The following AFF2 variants were observed in gnomAD, a reference collection of about 807,000 sequenced individuals.
AFF2 encodes the protein ALF transcription elongation factor 2.
Under a neutral mutation model 76.9 loss-of-function variants are expected in AFF2, and 14 were observed. The observed-to-expected ratio is 0.18, with a 90% confidence interval of 0.12 to 0.28. AFF2 has a LOEUF of 0.28. AFF2 is among the 10% of genes least tolerant of loss of function. The pLI is 1.00. For missense variants in AFF2, 868 were observed against 1,001.1 expected, an observed-to-expected ratio of 0.87 and a Z score of 1.79; for synonymous variants, 398 against 366.7, an observed-to-expected ratio of 1.09 and a Z score of -0.98.
intron 3 of AFF2, among the ~76,000 whole-genome samples, chrX:148,694,175 C>CGGGGGGGGGGTGGGGGGGG (rs67194871): frequency 1.4e-5 from 1 of 72,851 alleles, no homozygotes; most frequent in East Asian, 5.2e-4. Flanking sequence ...GTTGTGGGGT[C>CGGGGGGGGGGTGGGGGGGG]GGGGGGGGGG....
rs1557286892 is a variant in AFF2 at position 148,953,711 on chromosome X, A to G, written c.1529A>G (p.Asn510Ser). The G allele has an allele frequency of 8.3e-7, 1 of 1,210,180 alleles. No individual in the cohort carries two copies. Among genetic ancestry groups the G allele is most frequent in the Non-Finnish European group, 1.1e-6 (1 of 894,921 alleles). The change falls in exon 10 of 21, where the codon AAT becomes AGT. Residue 510 changes from asparagine (N) to serine (S), a missense_variant. Asn to Ser is a conservative substitution (Grantham distance 46). Transcript: ENST00000370460. ...AGTAGCACCACTGACAGCGAATCTA[A>G]TGAGGCACCTCGTGTGGCAACTCCA... is the stretch of plus-strand genomic sequence containing the variant. ...TESSTTDSES[N>S]EAPRVATPEP...
intron 1 of AFF2, among the ~76,000 whole-genome samples, chrX:148,581,669 C>T (rs1431621401): frequency 1.8e-5 from 2 of 111,399 alleles, no homozygotes; most frequent in Admixed American, 1.9e-4. Context: ...TATACGTGTA[C>T]ACACATATAT....
intron 1 of AFF2, among the ~76,000 whole-genome samples, chrX:148,578,873 A>T (rs2053321199): frequency 9.0e-6 from 1 of 111,708 alleles, no homozygotes; most frequent in Non-Finnish European, 1.9e-5. Context: ...CTTTTAGGCA[A>T]ATGTTTTAGA....
At position 148,666,514 on chromosome X, in the gene AFF2, G is replaced by C. The variant is rs1261168963; in HGVS notation, c.1041+3746G>C. 2.7e-5 allele frequency among the ~76,000 whole-genome samples: 3 copies of C among 110,231 alleles called. No individual in the cohort carries two copies. The Admixed American group carries it at 2.9e-4, about 11-fold the overall frequency. Reference sequence around the variant, plus strand: ...GCAGGAGAATAGCTTGAACCCGGGAGGCAGAGGTTGCAGTGAGCCGAGGTT... The same window carrying C: ...GCAGGAGAATAGCTTGAACCCGGGACGCAGAGGTTGCAGTGAGCCGAGGTT... On this transcript the variant is annotated intron_variant, in intron 3 of 20. Coordinates refer to ENST00000370460, the MANE Select transcript of AFF2 (RefSeq NM_002025.4).
At chrX:148,857,202 A>G (rs1037969026) in intron 7 of AFF2, among the ~76,000 whole-genome samples, 2 of 112,106 alleles carry the variant, frequency 1.8e-5, no homozygotes, top group African/African-American at 6.5e-5. Flanking sequence ...TGCTGAGTGA[A>G]CTATGAAAAA....
Position 148,999,068 on chromosome X carries a change from G to C in AFF2, c.*7736G>C, listed in dbSNP as rs1231075407. 2.7e-5 allele frequency: 3 copies of C among 111,820 alleles called. No individual in the cohort carries two copies. Among genetic ancestry groups the C allele is most frequent in the Non-Finnish European group, 5.6e-5 (3 of 53,210 alleles). 9.2% of individuals were successfully genotyped at this position (111,820 alleles called of 1,213,427 possible). A position where few individuals can be genotyped will look rare whatever the true frequency, so the allele number is the denominator to read the frequency against. Reference sequence around the variant, plus strand: ...CCCACAGTGATAAATGAAAAGGATAGAGGTAGTTTTTTCAAAAGAGCACTT... The same window carrying C: ...CCCACAGTGATAAATGAAAAGGATACAGGTAGTTTTTTCAAAAGAGCACTT... On this transcript the variant is annotated 3_prime_UTR_variant, in exon 21 of 21. Transcript: ENST00000370460.
chrX:148,702,444 A>G (rs887763672), intron 3 of AFF2, among the ~76,000 whole-genome samples: 24 of 111,757 alleles, frequency 2.1e-4, no homozygotes, highest in African/African-American at 7.8e-4. Context: ...GTTTTTCTGC[A>G]TCTTTTTTGG....
chrX:148,836,462 T>C (rs1299148337), intron 4 of AFF2, among the ~76,000 whole-genome samples: 1 of 111,596 alleles, frequency 9.0e-6, no homozygotes, highest in Non-Finnish European at 1.9e-5. Flanking sequence ...ACCTTTGAAA[T>C]GACTAATTAT....
intron 9 of AFF2, among the ~76,000 whole-genome samples, chrX:148,929,286 G>T (rs2071686655): frequency 8.9e-6 from 1 of 112,503 alleles, no homozygotes; most frequent in African/African-American, 3.2e-5. Context: ...AATAAAAGTA[G>T]TTTCTGGTTT....
At chrX:148,681,553 T>TCA (rs1557259939) in intron 3 of AFF2, among the ~76,000 whole-genome samples, 85 of 82,418 alleles carry the variant, frequency 1.0e-3, no homozygotes, top group African/African-American at 3.8e-3. Flanking sequence ...TGTGTGTGTG[T>TCA]GTGTGTGTGT....
intron 3 of AFF2, among the ~76,000 whole-genome samples, chrX:148,714,611 T>C (rs1382002782): frequency 9.0e-6 from 1 of 111,445 alleles, no homozygotes; most frequent in Non-Finnish European, 1.9e-5. Context: ...AGTCGTGCAG[T>C]GTCTTCAATT....
chrX:148,955,011 C>A (rs1449671150), intron 10 of AFF2, among the ~76,000 whole-genome samples: 1 of 112,520 alleles, frequency 8.9e-6, no homozygotes, highest in African/African-American at 3.2e-5. Flanking sequence ...GGTTATTGCC[C>A]ATACACCGAC....
rs971733317 is a variant in AFF2, at chrX:148,614,297, A to C, written c.48-37702A>C. Among the ~76,000 whole-genome samples, 12 of 111,762 alleles carry C rather than the reference A, an allele frequency of 1.1e-4. No individual in the cohort carries two copies. In the East Asian group the frequency reaches 3.1e-3, roughly 29 times the overall value. On this transcript the variant is annotated intron_variant, in intron 1 of 20. Coordinates refer to ENST00000370460, the MANE Select transcript of AFF2 (RefSeq NM_002025.4). ...GCTACACCTTTCTGAAATTTCTTGC[A>C]TTGTTGTAGGTGGAAAGCTGAATTG...
intron 1 of AFF2, among the ~76,000 whole-genome samples, chrX:148,645,758 T>C (rs2054137853): frequency 8.9e-6 from 1 of 112,273 alleles, no homozygotes; most frequent in Non-Finnish European, 1.9e-5. Context: ...CTTATTTATG[T>C]ACAGAAAGGT....
intron 3 of AFF2, among the ~76,000 whole-genome samples, chrX:148,783,454 G>A (rs1369642516): frequency 8.9e-6 from 1 of 111,990 alleles, no homozygotes; most frequent in African/African-American, 3.2e-5. Context: ...ACACTTACAA[G>A]TGTTAATCTC....
intron 8 of AFF2, among the ~76,000 whole-genome samples, chrX:148,900,479 G>A (rs2071342380): frequency 1.8e-5 from 2 of 111,770 alleles, no homozygotes; most frequent in African/African-American, 6.5e-5. Context: ...TGAGAGAGGA[G>A]TCACCTCAGA....
At chrX:148,965,026 G>T (rs987627470) in intron 13 of AFF2, among the ~76,000 whole-genome samples, 1 of 112,655 alleles carries the variant, frequency 8.9e-6, no homozygotes, top group Non-Finnish European at 1.9e-5. Flanking sequence ...GCCAAATCAG[G>T]TAGGGCCTTG....
intron 3 of AFF2, among the ~76,000 whole-genome samples, chrX:148,747,670 A>ACATTAGATC (rs1375577484): frequency 1.8e-5 from 2 of 111,651 alleles, no homozygotes; most frequent in African/African-American, 6.5e-5. Flanking sequence ...AAACTGAGCT[A>ACATTAGATC]CATTAGATCA....
intron 4 of AFF2, among the ~76,000 whole-genome samples, chrX:148,819,993 C>G (rs2070309187): frequency 9.0e-6 from 1 of 111,470 alleles, no homozygotes; most frequent in Non-Finnish European, 1.9e-5. Flanking sequence ...GTGTCCTTGA[C>G]CTTTCACTAA....
Sources: allele counts gnomAD v4.1 joint callset (sites outside exome capture counted in the v4.1 genomes callset), GRCh38; gene constraint gnomAD v4.1.1; transcripts MANE v1.5; gene names NCBI Gene and HGNC (gene_info 2026-07-23, HGNC 2026-07-21).